Variants in LRRC4C observed in about 807,000 individuals in gnomAD.
LRRC4C encodes leucine rich repeat containing 4C.
A neutral mutation model predicts 33.6 loss-of-function variants in LRRC4C; 5 were observed. That is an observed-to-expected ratio of 0.15 (90% CI 0.08 to 0.31). The LOEUF (loss-of-function observed/expected upper bound fraction) is 0.31. Among genes scored for constraint, LRRC4C ranks in the 10% least tolerant of loss-of-function variants. The pLI is 1.00. For missense variants in LRRC4C, 560 were observed against 796.7 expected (o/e 0.70, Z 3.58); for synonymous variants, 329 against 302.0 (o/e 1.09, Z -0.93).
chr11:41,301,681 A>G (rs1950293507), intron 1 of LRRC4C, among the ~76,000 whole-genome samples: 1 of 152,130 alleles, frequency 6.6e-6, no homozygotes, highest in African/African-American at 2.4e-5. Flanking sequence ...TTATAATTCC[A>G]TCTTTTTATG....
chr11:40,872,188 C>G (rs764975364), intron 2 of LRRC4C, among the ~76,000 whole-genome samples: 3 of 152,040 alleles, frequency 2.0e-5, no homozygotes, highest in Non-Finnish European at 4.4e-5. Context: ...CTGTAGATAC[C>G]CATGTCCAGC....
Position 40,115,907 on chromosome 11 carries a change from A to G in LRRC4C, c.386T>C (p.Leu129Pro). 1 of 1,614,146 alleles carries G rather than the reference A, an allele frequency of 6.2e-7. No homozygotes were observed. Residue 129 changes from leucine to proline, a missense_variant, in exon 7 of 7, where the codon CTG (leucine) becomes CCG (proline). Coordinates refer to ENST00000528697, the MANE Select transcript of LRRC4C (RefSeq NM_001258419.2). This position sits in a 1 kb window ranked among gnomAD's most constrained non-coding sequence, Gnocchi z 6.7. ...AGTAAGACGATTGTCAAAGAGTTCC[A>G]GAGTGTTGAGGTTCGCCAGACCATT... is the stretch of plus-strand genomic sequence containing the variant. ...AFNGLANLNT[L>P]ELFDNRLTTI...
intron 3 of LRRC4C, among the ~76,000 whole-genome samples, chr11:40,520,955 T>C (rs1405623116): frequency 6.6e-6 from 1 of 152,206 alleles, no homozygotes; most frequent in Admixed American, 6.5e-5. Context: ...TATTCATTTC[T>C]ATTAGTATCA....
chr11:40,402,918 A>G (rs1026981175), intron 3 of LRRC4C, among the ~76,000 whole-genome samples: 1 of 152,106 alleles, frequency 6.6e-6, no homozygotes, highest in African/African-American at 2.4e-5. Context: ...ACTATACCAC[A>G]TAACCTCCAG....
intron 3 of LRRC4C, among the ~76,000 whole-genome samples, chr11:40,573,979 T>C (rs1168136908): frequency 1.3e-5 from 2 of 152,182 alleles, no homozygotes; most frequent in African/African-American, 2.4e-5. Context: ...AATTCCCTTA[T>C]CTGAATTTGT....
At chr11:40,727,925 T>C (rs1030240662) in intron 2 of LRRC4C, among the ~76,000 whole-genome samples, 1 of 151,782 alleles carries the variant, frequency 6.6e-6, no homozygotes, top group African/African-American at 2.4e-5. Flanking sequence ...AAAAATGACA[T>C]CCAGCTACTG....
intron 2 of LRRC4C, among the ~76,000 whole-genome samples, chr11:40,751,110 A>G (rs1948670884): frequency 6.6e-6 from 1 of 152,126 alleles, no homozygotes; most frequent in African/African-American, 2.4e-5. Flanking sequence ...CATAAGAGGA[A>G]CACACTTTTA....
At chr11:41,072,394 G>A (rs1938767609) in intron 1 of LRRC4C, among the ~76,000 whole-genome samples, 1 of 144,590 alleles carries the variant, frequency 6.9e-6, no homozygotes, top group Non-Finnish European at 1.5e-5. Context: ...ATCTCCATAT[G>A]TTGAGCAGAG....
At chr11:40,212,955 A>T (rs527681697) in intron 5 of LRRC4C, among the ~76,000 whole-genome samples, 1 of 152,258 alleles carries the variant, frequency 6.6e-6, no homozygotes, top group Admixed American at 6.5e-5. Flanking sequence ...GAAACTAGAA[A>T]ATGATTCCCA....
intron 3 of LRRC4C, among the ~76,000 whole-genome samples, chr11:40,418,582 C>T (rs1045299718): frequency 6.6e-6 from 1 of 152,174 alleles, no homozygotes; most frequent in Non-Finnish European, 1.5e-5. Context: ...ACCGGAAATA[C>T]CATTTTAGCC....
At chr11:40,647,437 T>C (rs1942536298) in intron 3 of LRRC4C, among the ~76,000 whole-genome samples, 1 of 152,200 alleles carries the variant, frequency 6.6e-6, no homozygotes, top group Non-Finnish European at 1.5e-5. Context: ...CTTCTATTTC[T>C]AGGTGTGAGT....
At chr11:41,102,167 T>C (rs1273636560) in intron 1 of LRRC4C, among the ~76,000 whole-genome samples, 4 of 152,154 alleles carry the variant, frequency 2.6e-5, no homozygotes, top group African/African-American at 9.6e-5. Context: ...TTAATATTAC[T>C]CTGCACACTT....
chr11:41,400,255 T>TA (rs1053538475), intron 1 of LRRC4C, among the ~76,000 whole-genome samples: 1 of 151,960 alleles, frequency 6.6e-6, no homozygotes, highest in African/African-American at 2.4e-5. Context: ...TTATAAATGT[T>TA]AAAGTTAAAA....
At chr11:41,339,217 G>A (rs915970274) in intron 1 of LRRC4C, among the ~76,000 whole-genome samples, 2 of 152,146 alleles carry the variant, frequency 1.3e-5, no homozygotes, top group Non-Finnish European at 2.9e-5. Flanking sequence ...GCACAATGAA[G>A]ATGATAACTT....
At chr11:41,152,095 C>T (rs1287926906) in intron 1 of LRRC4C, among the ~76,000 whole-genome samples, 2 of 152,144 alleles carry the variant, frequency 1.3e-5, no homozygotes, top group Admixed American at 1.3e-4. Flanking sequence ...AGTTCTCTTT[C>T]ACATGAGGTT....
At chr11:40,634,993 A>AT (rs1963828046) in intron 3 of LRRC4C, among the ~76,000 whole-genome samples, 1 of 147,516 alleles carries the variant, frequency 6.8e-6, no homozygotes, top group African/African-American at 2.5e-5. Context: ...ACTTTAGGAA[A>AT]TTTAAAAAAA....
At chr11:41,012,798 T>C (rs1213964630) in intron 1 of LRRC4C, among the ~76,000 whole-genome samples, 1 of 152,194 alleles carries the variant, frequency 6.6e-6, no homozygotes, top group East Asian at 1.9e-4. Flanking sequence ...GGTGAGATGA[T>C]ATCTCTTTGT....
intron 3 of LRRC4C, among the ~76,000 whole-genome samples, chr11:40,355,830 T>G (rs1374543913): frequency 6.6e-6 from 1 of 152,126 alleles, no homozygotes; most frequent in East Asian, 1.9e-4. Context: ...CCTTCTTTTG[T>G]AGATAGTTGT....
At chr11:40,519,205 G>A (rs1275552033) in intron 3 of LRRC4C, among the ~76,000 whole-genome samples, 2 of 151,886 alleles carry the variant, frequency 1.3e-5, no homozygotes, top group Non-Finnish European at 2.9e-5. Context: ...AAAACTCGAC[G>A]TTCTGCACAT....
Sources: allele counts gnomAD v4.1 joint callset (sites outside exome capture counted in the v4.1 genomes callset), GRCh38; gene constraint gnomAD v4.1.1; non-coding constraint Gnocchi (gnomAD v3.1); transcripts MANE v1.5; gene names NCBI Gene and HGNC (gene_info 2026-07-23, HGNC 2026-07-21).